The following NEGR1 variants were observed in gnomAD, a reference collection of about 807,000 sequenced individuals.
The protein encoded by NEGR1 is IgLON family member 4.
A neutral mutation model predicts 40.9 loss-of-function variants in NEGR1; 10 were observed. The observed-to-expected ratio is 0.24, with a 90% CI of 0.15 to 0.42. The LOEUF (loss-of-function observed/expected upper bound fraction) is 0.42, where lower values mean the gene tolerates loss of function less well. NEGR1 is among the 10% of genes least tolerant of loss of function. The pLI, the probability that NEGR1 is intolerant of heterozygous loss-of-function variation, is 1.00. For synonymous variants in NEGR1, 185 were observed against 166.8 expected (o/e 1.11, Z -0.84); for missense variants, 352 against 438.9 (o/e 0.80, Z 1.77).
chr1:71,660,489 A>G (rs1301868871), intron 4 of NEGR1, among the ~76,000 whole-genome samples: 1 of 151,754 alleles, frequency 6.6e-6, no homozygotes, highest in Non-Finnish European at 1.5e-5. Flanking sequence ...AAAAGTTTAA[A>G]AAAGAAAAAA....
chr1:72,270,024 T>C (rs1369264206), intron 1 of NEGR1, among the ~76,000 whole-genome samples: 1 of 151,834 alleles, frequency 6.6e-6, no homozygotes, highest in Non-Finnish European at 1.5e-5. Flanking sequence ...ATCAATTGTT[T>C]TGATCTCTTT....
intron 1 of NEGR1, among the ~76,000 whole-genome samples, chr1:72,010,656 GA>G (rs563125891): frequency 7.0e-6 from 1 of 143,714 alleles, no homozygotes; most frequent in Non-Finnish European, 1.5e-5. Flanking sequence ...ACTGTAGAAA[GA>G]AAAAAAAATA....
At chr1:71,778,016 A>G (rs1489842878) in intron 2 of NEGR1, among the ~76,000 whole-genome samples, 1 of 152,090 alleles carries the variant, frequency 6.6e-6, no homozygotes, top group Admixed American at 6.6e-5. Context: ...ACATTAAATT[A>G]CCCTAGAAGG....
intron 5 of NEGR1, among the ~76,000 whole-genome samples, chr1:71,602,748 T>C (rs1008473155): frequency 6.6e-6 from 1 of 152,232 alleles, no homozygotes; most frequent in Non-Finnish European, 1.5e-5. Context: ...TTCATTTTGC[T>C]GATTTTTATG....
intron 6 of NEGR1, chr1:71,476,945 G>A (rs1646825287): frequency 6.6e-6 from 1 of 152,012 alleles, no homozygotes; most frequent in African/African-American, 2.4e-5. Flanking sequence ...AGATGGCTTT[G>A]GGAACATCCA....
Position 72,186,627 on chromosome 1 carries a change from T to C in NEGR1, c.176+95692A>G, listed in dbSNP as rs917252535. 2.6e-5 allele frequency among the ~76,000 whole-genome samples: 4 copies of C among 151,670 alleles called. No homozygotes were observed. The Admixed American group carries it at 2.6e-4, about 10-fold the overall frequency. On this transcript the variant is annotated intron_variant, in intron 1 of 6. Coordinates refer to ENST00000357731, the MANE Select transcript of NEGR1 (RefSeq NM_173808.3). ...ATCCAGACTATTCTACCTCATTATA[T>C]AAGCTCAATAAAATCAGAAAGCTAA...
At chr1:71,843,084 C>T (rs1490728409) in intron 2 of NEGR1, among the ~76,000 whole-genome samples, 3 of 152,082 alleles carry the variant, frequency 2.0e-5, no homozygotes, top group Middle Eastern at 6.4e-3. Context: ...CCTCAAGTGT[C>T]ACATCAGGTA....
intron 1 of NEGR1, among the ~76,000 whole-genome samples, chr1:71,972,746 T>C (rs1461258499): frequency 6.6e-6 from 1 of 152,156 alleles, no homozygotes; most frequent in East Asian, 1.9e-4. Flanking sequence ...TTGATACAGC[T>C]GAACTCAAAG....
intron 2 of NEGR1, among the ~76,000 whole-genome samples, chr1:71,839,709 C>T (rs1388287559): frequency 6.6e-6 from 1 of 152,062 alleles, no homozygotes; most frequent in African/African-American, 2.4e-5. Flanking sequence ...TGCAAATATT[C>T]CAGAGGATTT....
chr1:71,396,603 T>C lies in NEGR1; in HGVS notation c.*10843A>G, dbSNP rs1646213144. ...AAATCTCATTTTGAATTCCCACATA[T>C]TGTGAGAGGGACTTGGTGGGAGGTA... is the stretch of plus-strand genomic sequence containing the variant. On this transcript the variant is annotated 3_prime_UTR_variant, in exon 7 of 7. Transcript: ENST00000357731. 6.6e-6 allele frequency: 1 copy of C among 152,202 alleles called. No individual in the cohort carries two copies. The highest frequency in any genetic ancestry group is 2.4e-5 in the African/African-American group (1 of 41,458). 9.4% of individuals were successfully genotyped at this position (152,202 alleles called of 1,614,324 possible).
chr1:71,497,959 A>C (rs946627305), intron 6 of NEGR1, among the ~76,000 whole-genome samples: 3 of 152,072 alleles, frequency 2.0e-5, no homozygotes, highest in Non-Finnish European at 2.9e-5. Flanking sequence ...TCCATTGCAG[A>C]AACAAATGTA....
chr1:72,247,832 C>G (rs1386218619), intron 1 of NEGR1, among the ~76,000 whole-genome samples: 1 of 152,108 alleles, frequency 6.6e-6, no homozygotes, highest in Non-Finnish European at 1.5e-5. Flanking sequence ...ATACCTGAGA[C>G]TGAGTAATTT....
intron 4 of NEGR1, among the ~76,000 whole-genome samples, chr1:71,679,776 G>C (rs2101608785): frequency 6.6e-6 from 1 of 152,142 alleles, no homozygotes; most frequent in Non-Finnish European, 1.5e-5. Flanking sequence ...GAAAGAGAAA[G>C]CAAATAATTT....
chr1:71,491,584 T>C (rs1646928069), intron 6 of NEGR1, among the ~76,000 whole-genome samples: 1 of 151,540 alleles, frequency 6.6e-6, no homozygotes, highest in Non-Finnish European at 1.5e-5. Flanking sequence ...TGACTTTTTT[T>C]TTTTTTAAAT....
At chr1:71,947,061 C>T (rs1646027591) in intron 1 of NEGR1, among the ~76,000 whole-genome samples, 1 of 148,218 alleles carries the variant, frequency 6.7e-6, no homozygotes, top group African/African-American at 2.5e-5. Flanking sequence ...GGACTCCAGC[C>T]TGGGCAACAG....
At chr1:71,595,035 T>C (rs1162281985) in intron 5 of NEGR1, among the ~76,000 whole-genome samples, 1 of 152,210 alleles carries the variant, frequency 6.6e-6, no homozygotes, top group Non-Finnish European at 1.5e-5. Flanking sequence ...CACTATATGC[T>C]TATGTTCCTT....
At chr1:71,871,737 T>C (rs1161057408) in intron 2 of NEGR1, among the ~76,000 whole-genome samples, 1 of 152,228 alleles carries the variant, frequency 6.6e-6, no homozygotes, top group African/African-American at 2.4e-5. Context: ...ATAGTTTTTA[T>C]TGAGGCACAG....
At chr1:71,839,206 T>C (rs1353464176) in intron 2 of NEGR1, among the ~76,000 whole-genome samples, 9 of 147,552 alleles carry the variant, frequency 6.1e-5, no homozygotes, top group Admixed American at 6.1e-4. Context: ...GACTTTTTTT[T>C]TTTTTTTTTT....
chr1:71,778,082 T>C (rs1371821392), intron 2 of NEGR1, among the ~76,000 whole-genome samples: 1 of 151,966 alleles, frequency 6.6e-6, no homozygotes, highest in East Asian at 1.9e-4. Context: ...TAATAATAAA[T>C]TTACAACATT....
Sources: gnomAD v4.1 joint callset for allele counts (sites outside exome capture counted in the v4.1 genomes callset) on GRCh38, gnomAD v4.1.1 for gene constraint, MANE v1.5 for transcripts, NCBI Gene and HGNC (gene_info 2026-07-23, HGNC 2026-07-21) for gene names.